The following MRC2 variants were observed in gnomAD, a reference collection of about 807,000 sequenced individuals.
The protein encoded by MRC2 is mannose receptor C-type 2, also known as C-type mannose receptor 2.
In MRC2, 84 loss-of-function variants were observed where a neutral mutation model predicts 206.2. The observed-to-expected ratio is 0.41, with a 90% CI of 0.34 to 0.49. MRC2 has a LOEUF of 0.49. MRC2 is among the 20% of genes least tolerant of loss of function. MRC2 has a pLI of 0.31. For synonymous variants in MRC2, 798 were observed against 800.0 expected (o/e 1.00, Z 0.04); for missense variants, 1,676 against 2,001.5 (o/e 0.84, Z 3.10).
intron 1 of MRC2, among the ~76,000 whole-genome samples, chr17:62,634,578 C>T (rs546757036): frequency 1.3e-5 from 2 of 152,160 alleles, no homozygotes; most frequent in South Asian, 2.1e-4. Flanking sequence ...GGATTACAGG[C>T]GTGAGCCACC....
chr17:62,688,927 G>A lies in MRC2; in HGVS notation c.3301G>A (p.Glu1101Lys). 6.2e-7 allele frequency: 1 copy of A among 1,613,834 alleles called. No homozygotes were observed. Among genetic ancestry groups the A allele is most frequent in the Non-Finnish European group, 8.5e-7 (1 of 1,180,016 alleles). The change falls in exon 23 of 30, where the codon GAG becomes AAG. Residue 1101 changes from glutamate to lysine, a missense_variant. Physicochemically the swap from Glu to Lys is moderately conservative, Grantham distance 56. Transcript: ENST00000303375. ...CTGGGACGATCGGAGCTGCACGGAG[G>A]AGACCCATGGCTTCATCTGCCAGAA... ...GRWDDRSCTEETHGFICQKGT... is the reference protein window; with the variant it reads ...GRWDDRSCTEKTHGFICQKGT...
At chr17:62,630,076 G>A (rs566665856) in intron 1 of MRC2, among the ~76,000 whole-genome samples, 25 of 152,330 alleles carry the variant, frequency 1.6e-4, no homozygotes, top group Middle Eastern at 3.4e-3. Flanking sequence ...CCGCATTTCT[G>A]GAGCATGCAG....
chr17:62,662,092 AC>A (rs1451727296), intron 1 of MRC2, among the ~76,000 whole-genome samples: 2 of 152,210 alleles, frequency 1.3e-5, no homozygotes, highest in African/African-American at 4.8e-5. Context: ...TACTAAAAAT[AC>A]AAAAAAATTA....
chr17:62,649,412 G>A (rs983046753), intron 1 of MRC2, among the ~76,000 whole-genome samples: 1 of 152,158 alleles, frequency 6.6e-6, no homozygotes, highest in Non-Finnish European at 1.5e-5. Context: ...CCAACATGGC[G>A]AAACCCCGTC....
chr17:62,666,637 GCCTGCTCGTGCCTCTGGAGGGCCCGGGC>G lies in MRC2; in HGVS notation c.859+22_859+49del. The G allele has an allele frequency of 6.5e-7, 1 of 1,550,044 alleles. No individual in the cohort carries two copies. The highest frequency in any genetic ancestry group is 8.7e-7 in the Non-Finnish European group (1 of 1,147,008). On this transcript the variant is annotated intron_variant, in intron 4 of 29. Transcript: ENST00000303375. This position sits in a 1 kb window ranked among gnomAD's most constrained non-coding sequence, Gnocchi z 5.0. ...CATCAACGGTGAGCCGGGGCCTGAT[GCCTGCTCGTGCCTCTGGAGGGCCCGGGC>G]CCTTTCCGCTTGTGGGTTGGGGAGA...
Position 62,680,751 on chromosome 17 carries a change from G to T in MRC2, c.2474-49G>T, listed in dbSNP as rs1398359859. On this transcript the variant is annotated intron_variant, in intron 16 of 29. Coordinates refer to ENST00000303375, the MANE Select transcript of MRC2 (RefSeq NM_006039.5). The surrounding 1 kb of genome is among the most constrained non-coding windows in gnomAD (Gnocchi z 4.8). Reference sequence around the variant, plus strand: ...GCCGCGCCCGCCTCCGGGGCCTGGCGTGCAGCCTCTGCCTGGCCGCCGCTC... The same window carrying T: ...GCCGCGCCCGCCTCCGGGGCCTGGCTTGCAGCCTCTGCCTGGCCGCCGCTC... 3 of 1,482,496 alleles carry T rather than the reference G, an allele frequency of 2.0e-6. No homozygotes were observed. The highest frequency in any genetic ancestry group is 5.1e-5 in the East Asian group (2 of 39,304). 91.8% of individuals were successfully genotyped at this position (1,482,496 alleles called of 1,614,324 possible).
chr17:62,682,182 G>A, intron 19 of MRC2, 53 bp from the exon 20 acceptor site: 1 of 1,489,602 alleles, frequency 6.7e-7, no homozygotes, highest in Non-Finnish European at 9.0e-7. Context: ...TGCCAGCCAT[G>A]CCCTGCCCTG....
chr17:62,673,979 G>A, intron 8 of MRC2, 84 bp from the exon 9 acceptor site: 1 of 1,083,416 alleles, frequency 9.2e-7, no homozygotes, highest in South Asian at 1.4e-5. Flanking sequence ...GACAGGGCCA[G>A]CTCTAGGAAC....
At chr17:62,673,792 G>A (rs1471841767) in intron 8 of MRC2, among the ~76,000 whole-genome samples, 8 of 152,098 alleles carry the variant, frequency 5.3e-5, no homozygotes, top group African/African-American at 1.7e-4. Context: ...TTACAGGCAT[G>A]AGCCACCGCG....
intron 1 of MRC2, among the ~76,000 whole-genome samples, chr17:62,631,622 G>A (rs2084216633): frequency 6.6e-6 from 1 of 152,238 alleles, no homozygotes; most frequent in South Asian, 2.1e-4. Context: ...GAGGACTCCT[G>A]AGGAGGAGGG....
intron 1 of MRC2, among the ~76,000 whole-genome samples, chr17:62,628,346 C>T (rs922967620): frequency 2.6e-5 from 4 of 152,172 alleles, no homozygotes; most frequent in Admixed American, 6.5e-5. Flanking sequence ...TCGCTCTGCC[C>T]CAGGACTGAT....
At chr17:62,682,070 G>A (rs1464924343) in intron 19 of MRC2, 133 bp downstream of exon 19, 2 of 1,086,600 alleles carry the variant, frequency 1.8e-6, no homozygotes, top group African/African-American at 3.2e-5. Context: ...GACTCAGCGA[G>A]GGGTGGACCT....
intron 1 of MRC2, among the ~76,000 whole-genome samples, chr17:62,657,457 C>T (rs1193115315): frequency 6.6e-6 from 1 of 152,204 alleles, no homozygotes; most frequent in Admixed American, 6.5e-5. Flanking sequence ...TATTGAGCCA[C>T]AGCTTGATGC....
At chr17:62,684,492 A>C (rs2089008731) in intron 20 of MRC2, among the ~76,000 whole-genome samples, 1 of 152,158 alleles carries the variant, frequency 6.6e-6, no homozygotes, top group Non-Finnish European at 1.5e-5. Flanking sequence ...TGCATTTCTC[A>C]ACACGTTTTT....
Position 62,681,131 on chromosome 17 carries a change from T to C in MRC2, c.2702+2T>C. 6.2e-7 allele frequency: 1 copy of C among 1,613,388 alleles called. No individual in the cohort carries two copies. Among genetic ancestry groups the C allele is most frequent in the Non-Finnish European group, 8.5e-7 (1 of 1,179,902 alleles). On this transcript the variant is annotated splice_donor_variant, in intron 18 of 29. Coordinates refer to ENST00000303375, the MANE Select transcript of MRC2 (RefSeq NM_006039.5). LOFTEE classifies it high-confidence loss of function. Reference sequence around the variant, plus strand: ...CTCTGAGAGCGATGGGCGCTTCAGGTAGGAACCCAGGCAGGCAGCAGATGT... The same window carrying C: ...CTCTGAGAGCGATGGGCGCTTCAGGCAGGAACCCAGGCAGGCAGCAGATGT...
intron 6 of MRC2, among the ~76,000 whole-genome samples, chr17:62,669,249 C>T (rs948026934): frequency 6.6e-6 from 1 of 152,174 alleles, no homozygotes; most frequent in African/African-American, 2.4e-5. Context: ...GGGTCTCACT[C>T]TGTCACCCAG....
chr17:62,628,007 C>A (rs1385533441), intron 1 of MRC2, 87 bp downstream of exon 1: 8 of 874,402 alleles, frequency 9.1e-6, no homozygotes, highest in South Asian at 2.4e-5. Context: ...CCCTCCTTTT[C>A]CCCCCTCTTT....
chr17:62,683,847 G>A (rs951527187), intron 20 of MRC2: 37 of 151,178 alleles, frequency 2.4e-4, no homozygotes, highest in African/African-American at 8.0e-4. Context: ...CCTGGGTAAT[G>A]GAGTGAGACC....
At chr17:62,687,698 G>C (rs192344792) in intron 20 of MRC2, among the ~76,000 whole-genome samples, 1 of 152,072 alleles carries the variant, frequency 6.6e-6, no homozygotes, top group Middle Eastern at 3.4e-3. Context: ...AGGGCTGGGC[G>C]CGGTGAAACC....
Sources: allele counts gnomAD v4.1 joint callset (sites outside exome capture counted in the v4.1 genomes callset), GRCh38; gene constraint gnomAD v4.1.1; non-coding constraint Gnocchi (gnomAD v3.1); transcripts MANE v1.5; gene names NCBI Gene and HGNC (gene_info 2026-07-23, HGNC 2026-07-21).